ERI1: variants seen among roughly 807,000 people sequenced by gnomAD.
ERI1 encodes exoribonuclease 1.
In ERI1, 39 loss-of-function variants were observed where a neutral mutation model predicts 39.7. The observed-to-expected ratio is 0.98, with a 90% CI of 0.76 to 1.28. The LOEUF (loss-of-function observed/expected upper bound fraction) is 1.28. Ranked by LOEUF, ERI1 falls within the 50% of genes most tolerant of loss-of-function variation. The pLI is 0.00. For missense variants in ERI1, 581 were observed against 416.9 expected, an observed-to-expected ratio of 1.39 and a Z score of -3.43; for synonymous variants, 204 against 149.6, an observed-to-expected ratio of 1.36 and a Z score of -2.65.
intron 3 of ERI1, among the ~76,000 whole-genome samples, chr8:9,012,972 C>G (rs1391941328): frequency 1.3e-5 from 2 of 152,074 alleles, no homozygotes; most frequent in African/African-American, 4.8e-5. Context: ...CACTCATCAA[C>G]ATCATCTTTG....
chr8:9,029,923 G>A lies in ERI1; in HGVS notation c.939G>A (p.Gly313=), dbSNP rs1192406300. ...TAGCAGTTCGAATGCTTCAGGATGG[G>A]TGTGAACTCCGAATCAACGAGAAAA... is the stretch of plus-strand genomic sequence containing the variant. ...ARIAVRMLQD[G]CELRINEKMH... is the part of the protein sequence containing the mutation. Residue 313 remains glycine (G), a synonymous_variant, in exon 7 of 7, where the codon GGG becomes GGA. Coordinates refer to ENST00000250263, the MANE Select transcript of ERI1 (RefSeq NM_153332.4). 6.2e-7 allele frequency: 1 copy of A among 1,614,144 alleles called. No homozygotes were observed. The highest frequency in any genetic ancestry group is 1.1e-5 in the South Asian group (1 of 91,086).
intron 3 of ERI1, among the ~76,000 whole-genome samples, chr8:9,089,656 C>T (rs1233756833): frequency 6.6e-6 from 1 of 152,168 alleles, no homozygotes; most frequent in East Asian, 1.9e-4. Context: ...CTGCCCGGAG[C>T]CCACAGATTC....
intron 3 of ERI1, among the ~76,000 whole-genome samples, chr8:9,080,893 A>C (rs1799347594): frequency 6.6e-6 from 1 of 152,226 alleles, no homozygotes; most frequent in Non-Finnish European, 1.5e-5. Flanking sequence ...GCTATACTGA[A>C]ATGTTCACTG....
At chr8:9,065,394 A>G (rs921174565) in intron 3 of ERI1, among the ~76,000 whole-genome samples, 24 of 152,190 alleles carry the variant, frequency 1.6e-4, no homozygotes, top group Admixed American at 1.5e-3. Flanking sequence ...ACCTGAGATC[A>G]TTAAAAATGG....
At chr8:9,093,316 G>A (rs766621229) in intron 3 of ERI1, among the ~76,000 whole-genome samples, 24 of 152,248 alleles carry the variant, frequency 1.6e-4, no homozygotes, top group Middle Eastern at 6.8e-3. Flanking sequence ...ATTCAAAGCC[G>A]TCCTGGGCTG....
intron 4 of ERI1, among the ~76,000 whole-genome samples, chr8:9,017,197 G>A (rs1817396010): frequency 1.3e-5 from 2 of 152,000 alleles, no homozygotes; most frequent in African/African-American, 4.8e-5. Flanking sequence ...ACACCACGAT[G>A]ATTGGCTAAT....
At position 9,007,935 on chromosome 8, in the gene ERI1, CTTTTTTTTTTTTTTTT is replaced by C. The variant is rs556702690; in HGVS notation, c.109-21_109-6del. The C allele has an allele frequency of 2.5e-4, 241 of 969,234 alleles. No individual in the cohort carries two copies. The highest frequency in any genetic ancestry group is 6.4e-4 in the Admixed American group (14 of 21,708). 60.0% of individuals were successfully genotyped at this position (969,234 alleles called of 1,614,324 possible). A position where few individuals can be genotyped will look rare whatever the true frequency, so the allele number is the denominator to read the frequency against. On this transcript the variant is annotated intron_variant, in intron 1 of 6. Transcript: ENST00000250263. ...GTTTGTACTAATTATAAACTACATC[CTTTTTTTTTTTTTTTT>C]TTTTTTTTTTTTTGGTAGGAAACTC...
chr8:9,042,717 G>A (rs1414137936), intron 3 of ERI1, among the ~76,000 whole-genome samples: 2 of 152,216 alleles, frequency 1.3e-5, no homozygotes, highest in Non-Finnish European at 2.9e-5. Flanking sequence ...CCTAGTGCGA[G>A]AATCAGAAAC....
rs922397489 is a variant in ERI1 at position 9,030,131 on chromosome 8, C to T, written c.*97C>T. On this transcript the variant is annotated 3_prime_UTR_variant, in exon 7 of 7. Transcript: ENST00000250263. ...AGTCCTGTAGTGCAAACTTTAAGCACCTTAAAACATTTAAAATCTTATTAC... is the reference window on the plus strand; with the variant it reads ...AGTCCTGTAGTGCAAACTTTAAGCATCTTAAAACATTTAAAATCTTATTAC... The T allele has an allele frequency of 1.1e-5, 16 of 1,457,368 alleles. No individual in the cohort carries two copies. In the Admixed American group the frequency reaches 1.4e-4, roughly 13 times the overall value. 90.3% of individuals were successfully genotyped at this position (1,457,368 alleles called of 1,614,324 possible).
At chr8:9,064,964 C>T (rs982239600) in intron 3 of ERI1, among the ~76,000 whole-genome samples, 2 of 152,100 alleles carry the variant, frequency 1.3e-5, no homozygotes, top group East Asian at 1.9e-4. Flanking sequence ...CGGGGTTGTT[C>T]TCTGGCAGGA....
rs371688862 is a variant in ERI1 at position 9,032,218 on chromosome 8, AAC to A, written c.*2187_*2188del. On this transcript the variant is annotated 3_prime_UTR_variant, in exon 7 of 7. Coordinates refer to ENST00000250263, the MANE Select transcript of ERI1 (RefSeq NM_153332.4). ...CAAATAGTACAACTTTTTACAAGGAAACACGTAAGAGATGGATGTCCATGAAA... is the reference window on the plus strand; with the variant it reads ...CAAATAGTACAACTTTTTACAAGGAAACGTAAGAGATGGATGTCCATGAAA... 344 of 152,346 alleles carry A rather than the reference AAC, an allele frequency of 2.3e-3. 2 individuals carry two copies. Among genetic ancestry groups the A allele is most frequent in the African/African-American group, 7.9e-3 (327 of 41,582 alleles). 9.4% of individuals were successfully genotyped at this position (152,346 alleles called of 1,614,324 possible).
chr8:9,003,804 G>A (rs779066596), intron 1 of ERI1, among the ~76,000 whole-genome samples: 7 of 152,194 alleles, frequency 4.6e-5, no homozygotes, highest in Non-Finnish European at 1.0e-4. Context: ...CGGATTGTAA[G>A]TGATTGAATA....
intron 3 of ERI1, among the ~76,000 whole-genome samples, chr8:9,039,495 A>G (rs1315312707): frequency 6.6e-6 from 1 of 152,212 alleles, no homozygotes. Context: ...CCTTTTGTAA[A>G]TGATTAGTGA....
At chr8:9,071,903 A>C (rs1479713625) in intron 3 of ERI1, among the ~76,000 whole-genome samples, 1 of 152,196 alleles carries the variant, frequency 6.6e-6, no homozygotes, top group Admixed American at 6.5e-5. Flanking sequence ...TCGTCTCTAC[A>C]AAAGACAAAC....
intron 3 of ERI1, among the ~76,000 whole-genome samples, chr8:9,068,515 T>G (rs575509289): frequency 6.6e-6 from 1 of 152,304 alleles, no homozygotes; most frequent in South Asian, 2.1e-4. Context: ...GACTGTCTTA[T>G]GAATGCTGAG....
At chr8:9,055,364 C>T (rs1175171351) in intron 3 of ERI1, among the ~76,000 whole-genome samples, 1 of 152,344 alleles carries the variant, frequency 6.6e-6, no homozygotes, top group East Asian at 1.9e-4. Context: ...AAGGAGAGAG[C>T]TTTAAGCCAA....
chr8:9,004,934 C>T lies in ERI1; in HGVS notation c.108+1763C>T, dbSNP rs1403309040. Among the ~76,000 whole-genome samples the T allele has an allele frequency of 2.6e-5, 4 of 152,002 alleles. No individual in the cohort carries two copies. In the South Asian group the frequency reaches 6.2e-4, roughly 24 times the overall value. On this transcript the variant is annotated intron_variant, in intron 1 of 6. Transcript: ENST00000250263. Reference sequence around the variant, plus strand: ...AACTCCTGACCTCAGGTGATCCGCCCACCTCGGCCTCCCAAAGTGCTGGGA... The same window carrying T: ...AACTCCTGACCTCAGGTGATCCGCCTACCTCGGCCTCCCAAAGTGCTGGGA...
In ERI1 at chr8:9,030,706, A is replaced by G. The variant is rs147916898; in HGVS notation, c.*672A>G. 4.3e-4 allele frequency: 65 copies of G among 152,340 alleles called. 1 individual carries two copies. The highest frequency in any genetic ancestry group is 1.5e-3 in the African/African-American group (63 of 41,578). 9.4% of individuals were successfully genotyped at this position (152,340 alleles called of 1,614,324 possible). ...GGAATATCATAAGGGCTGTAGCTCA[A>G]ACTTCATAATACATAAATCACTGGG... On this transcript the variant is annotated 3_prime_UTR_variant, in exon 7 of 7. Coordinates refer to ENST00000250263, the MANE Select transcript of ERI1 (RefSeq NM_153332.4).
chr8:9,005,583 C>A (rs937361581), intron 1 of ERI1, among the ~76,000 whole-genome samples: 13 of 148,872 alleles, frequency 8.7e-5, no homozygotes, highest in Admixed American at 8.7e-4. Flanking sequence ...GGCTCAGTCT[C>A]GGCTCGCTGC....
Sources: allele counts gnomAD v4.1 joint callset (sites outside exome capture counted in the v4.1 genomes callset), GRCh38; gene constraint gnomAD v4.1.1; transcripts MANE v1.5; gene names NCBI Gene and HGNC (gene_info 2026-07-23, HGNC 2026-07-21).